Variants in MYH14 observed in about 807,000 individuals in gnomAD.
MYH14 encodes the protein myosin heavy chain 14, also known as myosin-14.
A neutral mutation model predicts 255.5 loss-of-function variants in MYH14; 123 were observed. The observed-to-expected ratio is 0.48, with a 90% CI of 0.42 to 0.56. The LOEUF is 0.56. MYH14 is among the 20% of genes least tolerant of loss of function. The pLI is 0.00. For missense variants in MYH14, 2,423 were observed against 2,802.3 expected, an observed-to-expected ratio of 0.86 and a Z score of 3.06; for synonymous variants, 1,095 against 1,161.2, an observed-to-expected ratio of 0.94 and a Z score of 1.16.
intron 36 of MYH14, 65 bp from the exon 37 acceptor site, chr19:50,292,196 G>A (rs370069412): frequency 6.1e-6 from 9 of 1,486,260 alleles, no homozygotes; most frequent in Non-Finnish European, 7.2e-6. Flanking sequence ...TCTGGCAAGG[G>A]GGTGGAGGAG....
chr19:50,208,190 G>A (rs148599141), intron 1 of MYH14, among the ~76,000 whole-genome samples: 2,478 of 152,256 alleles, frequency 0.016, 58 homozygotes, highest in African/African-American at 0.053. Flanking sequence ...CCAGGCGGGC[G>A]GATCACCTGA....
rs759537521 is a variant in MYH14, at chr19:50,210,640, C to T, written c.275C>T (p.Pro92Leu). Reference sequence around the variant, plus strand: ...GAGAGCGGGAGGCGGCTGCGACTGCCGCGGGACCAGATCCAGCGCATGAAC... The same window carrying T: ...GAGAGCGGGAGGCGGCTGCGACTGCTGCGGGACCAGATCCAGCGCATGAAC... ...LAESGRRLRL[P>L]RDQIQRMNPP... Residue 92 changes from proline to leucine, a missense_variant, in exon 2 of 43, where the codon CCG (proline) becomes CTG (leucine). Coordinates refer to ENST00000642316, the MANE Select transcript of MYH14 (RefSeq NM_001145809.2). The T allele has an allele frequency of 6.4e-6, 10 of 1,570,512 alleles. No homozygotes were observed. The East Asian group carries it at 7.1e-5, about 11-fold the overall frequency.
chr19:50,223,684 A>G (rs1269213680), intron 5 of MYH14, among the ~76,000 whole-genome samples: 1 of 152,124 alleles, frequency 6.6e-6, no homozygotes, highest in Non-Finnish European at 1.5e-5. Flanking sequence ...GGTGCCCTCC[A>G]CTGTTCCAAG....
At chr19:50,243,209 G>A (rs1043800227) in intron 10 of MYH14, among the ~76,000 whole-genome samples, 1 of 152,194 alleles carries the variant, frequency 6.6e-6, no homozygotes, top group African/African-American at 2.4e-5. Context: ...GCCGAGGCGG[G>A]TGGATCATCT....
chr19:50,265,802 C>T (rs2035062575), intron 22 of MYH14, among the ~76,000 whole-genome samples: 1 of 151,714 alleles, frequency 6.6e-6, no homozygotes, highest in South Asian at 2.1e-4. Context: ...GCCTGGGTGA[C>T]AGAGTGAGAC....
intron 21 of MYH14, among the ~76,000 whole-genome samples, chr19:50,262,535 A>T (rs2034921547): frequency 6.7e-6 from 1 of 148,188 alleles, no homozygotes; most frequent in African/African-American, 2.5e-5. Flanking sequence ...GAGACTCTGT[A>T]TCAAAAAAAA....
At chr19:50,286,450 T>C (rs1174431275) in intron 33 of MYH14, 32 bp from the exon 34 acceptor site, 1 of 1,589,962 alleles carries the variant, frequency 6.3e-7, no homozygotes, top group East Asian at 2.3e-5. Flanking sequence ...GCTAATCTAT[T>C]TCCCCCTACC....
intron 10 of MYH14, among the ~76,000 whole-genome samples, chr19:50,236,945 T>TC (rs906456333): frequency 6.6e-6 from 1 of 151,928 alleles, no homozygotes; most frequent in African/African-American, 2.4e-5. Context: ...CCTTTAGCTG[T>TC]CCCCCCAGGC....
At chr19:50,244,482 T>A in intron 11 of MYH14, 145 bp downstream of exon 11, 1 of 33,988 alleles carries the variant, frequency 2.9e-5, no homozygotes, top group Non-Finnish European at 5.6e-5. Context: ...TTCCTGCATT[T>A]TTTTTTTTTT....
chr19:50,310,072 C>T lies in MYH14; in HGVS notation c.*282C>T. 1 of 547,984 alleles carries T rather than the reference C, an allele frequency of 1.8e-6. No individual in the cohort carries two copies. Among genetic ancestry groups the T allele is most frequent in the East Asian group, 3.2e-5 (1 of 31,066 alleles). The allele number at this position is 547,984 out of a possible 1,614,324, so 33.9% of individuals were successfully genotyped here. A position where few individuals can be genotyped will look rare whatever the true frequency, so the allele number is the denominator to read the frequency against. ...GGCAAGCTGTGTTTCCATCAGCTCC[C>T]TGTCCTCCTTTCTTCCCTCGTTATT... is the stretch of plus-strand genomic sequence containing the variant. On this transcript the variant is annotated 3_prime_UTR_variant, in exon 43 of 43. Coordinates refer to ENST00000642316, the MANE Select transcript of MYH14 (RefSeq NM_001145809.2).
At position 50,264,882 on chromosome 19, in the gene MYH14, A is replaced by G. The variant is rs1455580504; in HGVS notation, c.2694+1462A>G. ...CAGGTCGCCATGCACCATGGAGCTC[A>G]GGGACTAGGTGTTCCCCCAGGGGGA... On this transcript the variant is annotated intron_variant, in intron 22 of 42. Coordinates refer to ENST00000642316, the MANE Select transcript of MYH14 (RefSeq NM_001145809.2). Among the ~76,000 whole-genome samples, 3 of 152,210 alleles carry G rather than the reference A, an allele frequency of 2.0e-5. No homozygotes were observed. In the East Asian group the frequency reaches 5.8e-4, roughly 29 times the overall value.
At chr19:50,235,208 AT>A (rs2033604172) in intron 10 of MYH14, among the ~76,000 whole-genome samples, 4 of 151,928 alleles carry the variant, frequency 2.6e-5, no homozygotes, top group Admixed American at 2.6e-4. Context: ...AAATACAAAA[AT>A]TAGCCAGACA....
chr19:50,245,435 AGAAG>A (rs2034070422), intron 11 of MYH14, among the ~76,000 whole-genome samples: 4 of 122,896 alleles, frequency 3.3e-5, no homozygotes, highest in Non-Finnish European at 6.5e-5. Flanking sequence ...AAAAAAAAGA[AGAAG>A]AAAGAAAGAA....
At chr19:50,256,234 A>G (rs950207152) in intron 17 of MYH14, among the ~76,000 whole-genome samples, 2 of 152,024 alleles carry the variant, frequency 1.3e-5, no homozygotes, top group Admixed American at 6.6e-5. Context: ...AGCTGTGATC[A>G]CTCCACTGTA....
rs2034288388 is a variant in MYH14, at chr19:50,249,689, G to A, written c.1522G>A (p.Glu508Lys). 23 of 1,613,980 alleles carry A rather than the reference G, an allele frequency of 1.4e-5. No homozygotes were observed. The highest frequency in any genetic ancestry group is 1.8e-5 in the Non-Finnish European group (21 of 1,180,050). Reference sequence around the variant, plus strand: ...GCAGCTCTGCATCAACTACACCAACGAGAAGCTGCAGCAGCTCTTCAACCA... The same window carrying A: ...GCAGCTCTGCATCAACTACACCAACAAGAAGCTGCAGCAGCTCTTCAACCA... ...FEQLCINYTN[E>K]KLQQLFNHTM... The change falls in exon 14 of 43, where the codon GAG (glutamate) becomes AAG (lysine). Residue 508 changes from glutamate to lysine, a missense_variant. Physicochemically the swap from Glu to Lys is moderately conservative, Grantham distance 56 (BLOSUM62 1). Transcript: ENST00000642316.
intron 41 of MYH14, chr19:50,308,197 A>G (rs962255770): frequency 6.6e-6 from 1 of 152,278 alleles, no homozygotes; most frequent in African/African-American, 2.4e-5. Context: ...CAGAGGGAAC[A>G]GCAAGTATAA....
At position 50,289,629 on chromosome 19, in the gene MYH14, G is replaced by A. The variant is rs368076336; in HGVS notation, c.4946G>A (p.Arg1649Gln). The change falls in exon 35 of 43, where the codon CGG (arginine) becomes CAG (glutamine). Residue 1649 changes from arginine (R) to glutamine (Q), a missense_variant. Physicochemically the swap from Arg to Gln is conservative, Grantham distance 43. Around this residue, in one of 3 missense-constraint regions of MYH14, gnomAD observed 1,513 missense variants for 1,674.8 expected, o/e 0.90. Transcript: ENST00000642316. ...CGTGATGAGGCTGGTGAAGAGAGGCGGAGGCAGCTGGCCAAGCAGGTATTG... is the reference window on the plus strand; with the variant it reads ...CGTGATGAGGCTGGTGAAGAGAGGCAGAGGCAGCTGGCCAAGCAGGTATTG... ...QGRDEAGEER[R>Q]RQLAKQLRDA... is the part of the protein sequence containing the mutation. 38 of 1,609,014 alleles carry A rather than the reference G, an allele frequency of 2.4e-5. No individual in the cohort carries two copies. Among genetic ancestry groups the A allele is most frequent in the Admixed American group, 1.0e-4 (6 of 59,380 alleles).
Position 50,280,175 on chromosome 19 carries a change from C to T in MYH14, c.4137+34C>T. 6.4e-7 allele frequency: 1 copy of T among 1,562,232 alleles called. No homozygotes were observed. Among genetic ancestry groups the T allele is most frequent in the Non-Finnish European group, 8.7e-7 (1 of 1,154,166 alleles). The stretch of plus-strand genomic sequence containing the variant: ...GCCTGCCCTTCGGCTCCACCGTCAC[C>T]CTCCCCTCCTTGTCCTCCCAGCCAC... On this transcript the variant is annotated intron_variant, in intron 31 of 42. Coordinates refer to ENST00000642316, the MANE Select transcript of MYH14 (RefSeq NM_001145809.2). This position sits in a 1 kb window ranked among gnomAD's most constrained non-coding sequence, Gnocchi z 4.8.
At chr19:50,268,123 A>C (rs1297421062) in intron 23 of MYH14, 38 bp from the exon 24 acceptor site, 1 of 1,527,004 alleles carries the variant, frequency 6.5e-7, no homozygotes, top group South Asian at 1.2e-5. Context: ...CCCTGGGAGC[A>C]CTGCCTGCTG....
Sources: gnomAD v4.1 joint callset for allele counts (sites outside exome capture counted in the v4.1 genomes callset) on GRCh38, gnomAD v4.1.1 for gene constraint, gnomAD v4.1.1 regional missense constraint, Gnocchi (gnomAD v3.1) non-coding constraint, MANE v1.5 for transcripts, NCBI Gene and HGNC (gene_info 2026-07-23, HGNC 2026-07-21) for gene names.